Variants in GPR26 observed in about 807,000 individuals in gnomAD.
GPR26 encodes the protein G protein-coupled receptor 26.
GPR26 carries 15 observed loss-of-function variants against 23.1 expected under a neutral mutation model. The observed-to-expected ratio is 0.65, with a 90% CI of 0.43 to 1.00. The LOEUF (loss-of-function observed/expected upper bound fraction) is 1.00, where lower values mean the gene tolerates loss of function less well. Ranked by LOEUF, GPR26 falls within the 50% of genes least tolerant of loss-of-function variation. The pLI, the probability that GPR26 is intolerant of heterozygous loss-of-function variation, is 0.00. For missense variants in GPR26, 359 were observed against 470.5 expected (o/e 0.76, Z 2.19); for synonymous variants, 228 against 222.1 (o/e 1.03, Z -0.24).
At chr10:123,669,897 G>A (rs936733458) in intron 1 of GPR26, among the ~76,000 whole-genome samples, 8 of 152,162 alleles carry the variant, frequency 5.3e-5, no homozygotes, top group Non-Finnish European at 2.9e-5. Flanking sequence ...TCTAATATTT[G>A]TTAAACACCT....
intron 2 of GPR26, among the ~76,000 whole-genome samples, chr10:123,683,559 CT>C (rs1845401317): frequency 6.6e-6 from 1 of 152,202 alleles, no homozygotes; most frequent in Non-Finnish European, 1.5e-5. Context: ...GCAGACATGC[CT>C]CCCTCCTGCC....
At chr10:123,685,010 C>T (rs1564733036) in intron 2 of GPR26, among the ~76,000 whole-genome samples, 1 of 152,208 alleles carries the variant, frequency 6.6e-6, no homozygotes, top group African/African-American at 2.4e-5. Flanking sequence ...TTCTGCTCTG[C>T]GAGCTGCCTG....
At chr10:123,685,933 G>T (rs1453729155) in intron 2 of GPR26, among the ~76,000 whole-genome samples, 3 of 152,160 alleles carry the variant, frequency 2.0e-5, no homozygotes, top group Non-Finnish European at 4.4e-5. Flanking sequence ...TAAGTGCTCG[G>T]CCCAAAGGAG....
At chr10:123,675,019 C>T in intron 2 of GPR26, 88 bp downstream of exon 2, 1 of 777,616 alleles carries the variant, frequency 1.3e-6, no homozygotes, top group Non-Finnish European at 2.2e-6. Flanking sequence ...CTCTTGGCCA[C>T]ACGTTCTTCT....
Position 123,674,981 on chromosome 10 carries a change from G to A in GPR26, c.782+50G>A, listed in dbSNP as rs1845289039. ...TTGGGACTTTGAAGAGTAAGGCAGGGCCCAGTGACCTTTAGCAGTGGCAGC... is the reference window on the plus strand; with the variant it reads ...TTGGGACTTTGAAGAGTAAGGCAGGACCCAGTGACCTTTAGCAGTGGCAGC... On this transcript the variant is annotated intron_variant, in intron 2 of 2. Transcript: ENST00000284674. This position sits in a 1 kb window ranked among gnomAD's most constrained non-coding sequence, Gnocchi z 4.1. The A allele has an allele frequency of 8.6e-7, 1 of 1,165,738 alleles. No homozygotes were observed. The highest frequency in any genetic ancestry group is 1.3e-6 in the Non-Finnish European group (1 of 783,550). 72.2% of individuals were successfully genotyped at this position (1,165,738 alleles called of 1,614,324 possible).
rs143685362 is a variant in GPR26, at chr10:123,681,450, C to G, written c.783-6479C>G. ...CTTCATTGAGCTGTCAGCGCAGAAA[C>G]TAATATTCCCCACAACTCCCCAGTG... On this transcript the variant is annotated intron_variant, in intron 2 of 2. Coordinates refer to ENST00000284674, the MANE Select transcript of GPR26 (RefSeq NM_153442.4). Among the ~76,000 whole-genome samples the G allele has an allele frequency of 1.6e-4, 24 of 152,334 alleles. No individual in the cohort carries two copies. The East Asian group carries it at 2.9e-3, about 18-fold the overall frequency.
rs888712223 is a variant in GPR26 at position 123,667,658 on chromosome 10, G to C, written c.668+583G>C. Among the ~76,000 whole-genome samples the C allele has an allele frequency of 2.6e-5, 4 of 151,890 alleles. No individual in the cohort carries two copies. The East Asian group carries it at 7.8e-4, about 30-fold the overall frequency. ...TGTGGTGGGCCCTGAGGGGTGGGGT[G>C]GGGGGCTCTTCCTGCCCTCCCCAGA... On this transcript the variant is annotated intron_variant, in intron 1 of 2. Transcript: ENST00000284674.
In GPR26 at chr10:123,688,099, T is replaced by C. The variant is rs1458303123; in HGVS notation, c.953T>C (p.Ile318Thr). Residue 318 changes from isoleucine (I) to threonine (T), a missense_variant, in exon 3 of 3, where the codon ATC (isoleucine) becomes ACC (threonine). Ile to Thr is a moderately conservative substitution (Grantham distance 89). Coordinates refer to ENST00000284674, the MANE Select transcript of GPR26 (RefSeq NM_153442.4). The part of the protein sequence containing the change: ...ILNRLLHRRS[I>T]HSSGLTGDSH... The stretch of plus-strand genomic sequence containing the variant: ...AACAGGCTCCTGCACAGACGCTCCA[T>C]CCACTCCTCTGGCCTCACAGGCGAC... 1 of 1,613,874 alleles carries C rather than the reference T, an allele frequency of 6.2e-7. No homozygotes were observed. The highest frequency in any genetic ancestry group is 2.2e-5 in the East Asian group (1 of 44,878).
At position 123,693,922 on chromosome 10, in the gene GPR26, A is replaced by C; in HGVS notation, c.*5762A>C. 6.7e-6 allele frequency: 1 copy of C among 148,750 alleles called. No individual in the cohort carries two copies. The highest frequency in any genetic ancestry group is 1.5e-5 in the Non-Finnish European group (1 of 65,560). 9.2% of individuals were successfully genotyped at this position (148,750 alleles called of 1,614,324 possible). A position where few individuals can be genotyped will look rare whatever the true frequency, so the allele number is the denominator to read the frequency against. Reference sequence around the variant, plus strand: ...GGCCACGACATCACTGTGCAGAAGAAGAGATCTGTCAGGGGTCCAGAGGAG... The same window carrying C: ...GGCCACGACATCACTGTGCAGAAGACGAGATCTGTCAGGGGTCCAGAGGAG... On this transcript the variant is annotated 3_prime_UTR_variant, in exon 3 of 3. Coordinates refer to ENST00000284674, the MANE Select transcript of GPR26 (RefSeq NM_153442.4).
In GPR26 at chr10:123,695,781, G is replaced by A. The variant is rs1046415708; in HGVS notation, c.*7621G>A. Among the ~76,000 whole-genome samples, 2 of 152,120 alleles carry A rather than the reference G, an allele frequency of 1.3e-5. No homozygotes were observed. The highest frequency in any genetic ancestry group is 2.4e-5 in the African/African-American group (1 of 41,434). On this transcript the variant is annotated 3_prime_UTR_variant, in exon 3 of 3. Coordinates refer to ENST00000284674, the MANE Select transcript of GPR26 (RefSeq NM_153442.4). ...CAAACTCTCTGCTCTAACAACCTTC[G>A]AATGTCAAGTTCCCTTGCAAGCTGA...
chr10:123,674,872 G>C lies in GPR26; in HGVS notation c.723G>C (p.Lys241Asn). The change falls in exon 2 of 3, where the codon AAG (lysine) becomes AAC (asparagine). Residue 241 changes from lysine (K) to asparagine (N), a missense_variant. Physicochemically the swap from Lys to Asn is moderately conservative, Grantham distance 94. Transcript: ENST00000284674. The surrounding 1 kb of genome is among the most constrained non-coding windows in gnomAD (Gnocchi z 4.1). ...EQKRRRQRAT[K>N]KISTFIGTFL... ...AGCGGAGGCGACAGCGAGCCACCAA[G>C]AAGATCAGCACCTTCATAGGGACCT... 6.2e-7 allele frequency: 1 copy of C among 1,613,826 alleles called. No individual in the cohort carries two copies. Among genetic ancestry groups the C allele is most frequent in the Non-Finnish European group, 8.5e-7 (1 of 1,179,944 alleles).
intron 1 of GPR26, among the ~76,000 whole-genome samples, chr10:123,667,673 C>T (rs2133920608): frequency 6.6e-6 from 1 of 151,808 alleles, no homozygotes; most frequent in South Asian, 2.1e-4. Flanking sequence ...GCTCTTCCTG[C>T]CCTCCCCAGA....
chr10:123,672,636 G>A (rs1845264566), intron 1 of GPR26, among the ~76,000 whole-genome samples: 1 of 152,212 alleles, frequency 6.6e-6, no homozygotes, highest in Admixed American at 6.5e-5. Flanking sequence ...TCTGCAGTGG[G>A]GGGAGCTCTG....
At position 123,687,993 on chromosome 10, in the gene GPR26, G is replaced by C. The variant is rs2133932325; in HGVS notation, c.847G>C (p.Ala283Pro). 1 of 1,613,990 alleles carries C rather than the reference G, an allele frequency of 6.2e-7. No homozygotes were observed. The highest frequency in any genetic ancestry group is 2.2e-5 in the East Asian group (1 of 44,872). ...CTGGGGGGTGCTGTCCAAGTGCTTG[G>C]CGTACAGCAAGGCCGCATCCGACCC... is the stretch of plus-strand genomic sequence containing the variant. ...SHWGVLSKCL[A>P]YSKAASDPFV... The change falls in exon 3 of 3, where the codon GCG becomes CCG. Residue 283 changes from alanine (A) to proline (P), a missense_variant. Ala to Pro is a conservative substitution (Grantham distance 27, BLOSUM62 -1). Coordinates refer to ENST00000284674, the MANE Select transcript of GPR26 (RefSeq NM_153442.4).
Position 123,691,866 on chromosome 10 carries a change from A to G in GPR26, c.*3706A>G, listed in dbSNP as rs916433732. 4 of 152,208 alleles carry G rather than the reference A, an allele frequency of 2.6e-5. No homozygotes were observed. Among genetic ancestry groups the G allele is most frequent in the African/African-American group, 7.2e-5 (3 of 41,450 alleles). The allele number at this position is 152,208 out of a possible 1,614,324, so 9.4% of individuals were successfully genotyped here. A position where few individuals can be genotyped will look rare whatever the true frequency, so the allele number is the denominator to read the frequency against. On this transcript the variant is annotated 3_prime_UTR_variant, in exon 3 of 3. Transcript: ENST00000284674. ...TCCGCACTTTTAATCATCGATGCCCAGGTAACTGATAGGAGTTTTCTTCAA... is the reference window on the plus strand; with the variant it reads ...TCCGCACTTTTAATCATCGATGCCCGGGTAACTGATAGGAGTTTTCTTCAA...
At chr10:123,676,461 C>T (rs529550652) in intron 2 of GPR26, among the ~76,000 whole-genome samples, 1 of 152,168 alleles carries the variant, frequency 6.6e-6, no homozygotes, top group Non-Finnish European at 1.5e-5. Flanking sequence ...GGCCTCTACC[C>T]AGGGGATGCC....
chr10:123,678,147 T>A (rs1388309289), intron 2 of GPR26, among the ~76,000 whole-genome samples: 2 of 152,220 alleles, frequency 1.3e-5, no homozygotes, highest in Non-Finnish European at 2.9e-5. Flanking sequence ...TAAAGTTAAA[T>A]AAAATATGTA....
chr10:123,667,561 C>CTCTGTGTGTGTGTGTGTGTG (rs1175317398), intron 1 of GPR26, among the ~76,000 whole-genome samples: 1 of 124,998 alleles, frequency 8.0e-6, no homozygotes, highest in African/African-American at 3.1e-5. Flanking sequence ...TGTCTCACGA[C>CTCTGTGTGTGTGTGTGTGTG]TGTGTGTGTG....
At position 123,686,988 on chromosome 10, in the gene GPR26, A is replaced by G. The variant is rs185985603; in HGVS notation, c.783-941A>G. Among the ~76,000 whole-genome samples the G allele has an allele frequency of 6.0e-4, 91 of 152,278 alleles. 1 individual carries two copies. Among genetic ancestry groups the G allele is most frequent in the Admixed American group, 5.5e-3 (84 of 15,300 alleles). ...GTCCAAATATGGCCAAGGGTGCTGG[A>G]CACACTTGAGAGAGTAAATGGCCTG... is the stretch of plus-strand genomic sequence containing the variant. On this transcript the variant is annotated intron_variant, in intron 2 of 2. Coordinates refer to ENST00000284674, the MANE Select transcript of GPR26 (RefSeq NM_153442.4).
Sources: allele counts gnomAD v4.1 joint callset (sites outside exome capture counted in the v4.1 genomes callset), GRCh38; gene constraint gnomAD v4.1.1; non-coding constraint Gnocchi (gnomAD v3.1); transcripts MANE v1.5; gene names NCBI Gene and HGNC (gene_info 2026-07-23, HGNC 2026-07-21).